The following NFIB variants were observed in gnomAD, a reference collection of about 807,000 sequenced individuals.
NFIB encodes nuclear factor I B, also known as nuclear factor 1 B-type.
NFIB carries 11 observed loss-of-function variants against 61.5 expected under a neutral mutation model. The observed-to-expected ratio is 0.18, with a 90% CI of 0.11 to 0.30. The LOEUF is 0.30. NFIB is among the 10% of genes least tolerant of loss of function. NFIB has a pLI of 1.00. For synonymous variants in NFIB, 260 were observed against 216.5 expected (o/e 1.20, Z -1.76); for missense variants, 471 against 608.9 (o/e 0.77, Z 2.38).
chr9:14,099,773 G>C (rs1563783005), intron 10 of NFIB, among the ~76,000 whole-genome samples: 1 of 152,168 alleles, frequency 6.6e-6, no homozygotes, highest in Non-Finnish European at 1.5e-5. Flanking sequence ...AGAAAGAGAA[G>C]AAACAAACCA....
At chr9:14,457,377 C>T in the NFIB span, among the ~76,000 whole-genome samples, 1 of 152,028 alleles carries the variant, frequency 6.6e-6, no homozygotes, top group African/African-American at 2.4e-5. Context: ...TGAAAGAGGG[C>T]TATTTCTCAC....
intron 2 of NFIB, among the ~76,000 whole-genome samples, chr9:14,184,167 C>G (rs772785913): frequency 6.6e-6 from 1 of 152,148 alleles, no homozygotes; most frequent in Non-Finnish European, 1.5e-5. Flanking sequence ...CATAAGTGAT[C>G]AAACGGCTTG....
the NFIB span, among the ~76,000 whole-genome samples, chr9:14,453,867 G>T: frequency 6.6e-6 from 1 of 151,680 alleles, no homozygotes; most frequent in Non-Finnish European, 1.5e-5. Flanking sequence ...TGGATCACAG[G>T]GTCAGGAGAT....
At chr9:14,391,255 T>C (rs1046214545) in intron 1 of NFIB, among the ~76,000 whole-genome samples, 4 of 152,124 alleles carry the variant, frequency 2.6e-5, no homozygotes, top group South Asian at 2.1e-4. Flanking sequence ...GAATCCTTTA[T>C]ATGATGTGAT....
At chr9:14,157,644 T>C (rs527559950) in intron 3 of NFIB, among the ~76,000 whole-genome samples, 1 of 152,198 alleles carries the variant, frequency 6.6e-6, no homozygotes, top group Admixed American at 6.5e-5. Flanking sequence ...AACTTCTAAG[T>C]AACAATCACT....
intron 9 of NFIB, among the ~76,000 whole-genome samples, chr9:14,114,001 C>G (rs2037769912): frequency 6.6e-6 from 1 of 152,136 alleles, no homozygotes; most frequent in Non-Finnish European, 1.5e-5. Context: ...TCCCACTGCT[C>G]CATATTACCA....
the NFIB span, among the ~76,000 whole-genome samples, chr9:14,443,960 A>T: frequency 6.6e-6 from 1 of 152,220 alleles, no homozygotes; most frequent in Non-Finnish European, 1.5e-5. Flanking sequence ...TAAACAAAAC[A>T]TCAAAGGCTC....
chr9:14,434,911 T>C, the NFIB span, among the ~76,000 whole-genome samples: 16 of 152,234 alleles, frequency 1.1e-4, no homozygotes, highest in Admixed American at 9.8e-4. Context: ...GCTGGCACTG[T>C]ATGTGGGTGG....
chr9:14,302,926 A>G (rs1424922880), intron 2 of NFIB, among the ~76,000 whole-genome samples: 1 of 152,182 alleles, frequency 6.6e-6, no homozygotes, highest in Non-Finnish European at 1.5e-5. Context: ...AACGCTAACT[A>G]TCTAGGAAAC....
chr9:14,500,390 G>C, the NFIB span, among the ~76,000 whole-genome samples: 1 of 152,090 alleles, frequency 6.6e-6, no homozygotes, highest in African/African-American at 2.4e-5. Context: ...AATTATATAT[G>C]TAAAACAATT....
the NFIB span, among the ~76,000 whole-genome samples, chr9:14,521,021 C>T: frequency 1.1e-4 from 17 of 152,244 alleles, no homozygotes; most frequent in South Asian, 3.5e-3. Flanking sequence ...TCTACTGCCC[C>T]ATTGATTCAG....
At chr9:14,500,818 C>A in the NFIB span, among the ~76,000 whole-genome samples, 1 of 152,126 alleles carries the variant, frequency 6.6e-6, no homozygotes, top group Non-Finnish European at 1.5e-5. Context: ...TTTCCCACAG[C>A]GAATCTACAT....
intron 1 of NFIB, among the ~76,000 whole-genome samples, chr9:14,334,434 A>G (rs988363363): frequency 6.6e-6 from 1 of 152,192 alleles, no homozygotes; most frequent in Non-Finnish European, 1.5e-5. Flanking sequence ...CAAATGACTG[A>G]TGAGGCTGAG....
chr9:14,444,820 G>C, the NFIB span, among the ~76,000 whole-genome samples: 1 of 152,180 alleles, frequency 6.6e-6, no homozygotes, highest in East Asian at 1.9e-4. Context: ...ATATTACAAG[G>C]ACTGTAGAGA....
At chr9:14,495,445 A>ATTTTTTTTTTTTTTTTT in the NFIB span, among the ~76,000 whole-genome samples, 5 of 98,070 alleles carry the variant, frequency 5.1e-5, no homozygotes, top group South Asian at 6.4e-4. Flanking sequence ...AGAGAAATGA[A>ATTTTTTTTTTTTTTTTT]CTTTTTTTTT....
chr9:14,375,034 T>A (rs2132981998), intron 1 of NFIB, among the ~76,000 whole-genome samples: 1 of 152,356 alleles, frequency 6.6e-6, no homozygotes, highest in African/African-American at 2.4e-5. Flanking sequence ...TTACATGCTA[T>A]GCTTCCTCCC....
intron 10 of NFIB, among the ~76,000 whole-genome samples, chr9:14,092,405 C>T (rs1485229380): frequency 6.6e-6 from 1 of 152,044 alleles, no homozygotes; most frequent in Non-Finnish European, 1.5e-5. Context: ...AGATGGCCAT[C>T]AGTATCTCTG....
In NFIB at chr9:14,390,234, A is replaced by G. The variant is rs540784347; in HGVS notation, c.108+8290T>C. On this transcript the variant is annotated intron_variant, in intron 1 of 8. Coordinates refer to the NFIB transcript ENST00000380934. Reference sequence around the variant, plus strand: ...CAGATCTGAGTTTTATGTGGATCCTACAGTTTTCTAAGGCATGACCTTGGG... The same window carrying G: ...CAGATCTGAGTTTTATGTGGATCCTGCAGTTTTCTAAGGCATGACCTTGGG... 2.0e-5 allele frequency among the ~76,000 whole-genome samples: 3 copies of G among 152,312 alleles called. No individual in the cohort carries two copies. In the South Asian group the frequency reaches 6.2e-4, roughly 32 times the overall value.
At chr9:14,204,944 C>T (rs928097275) in intron 2 of NFIB, 18 of 338,346 alleles carry the variant, frequency 5.3e-5, no homozygotes, top group Admixed American at 2.0e-4. Context: ...CAATGAGATC[C>T]GTCATCACTG....
Sources: allele counts gnomAD v4.1 joint callset (sites outside exome capture counted in the v4.1 genomes callset), GRCh38; gene constraint gnomAD v4.1.1; transcripts MANE v1.5; gene names NCBI Gene and HGNC (gene_info 2026-07-23, HGNC 2026-07-21).